ARID1B: variants seen among roughly 807,000 people sequenced by gnomAD.
The protein encoded by ARID1B is AT-rich interaction domain 1B, also known as AT-rich interactive domain-containing protein 1B.
In ARID1B, 30 loss-of-function variants were observed where a neutral mutation model predicts 212.3. The ratio of observed to expected loss-of-function variants is 0.14; its 90% CI spans 0.11 to 0.19. ARID1B has a LOEUF of 0.19. Among genes scored for constraint, ARID1B ranks in the 10% least tolerant of loss-of-function variants. ARID1B has a pLI of 1.00. For missense variants in ARID1B, 2,891 were observed against 3,204.0 expected (o/e 0.90, Z 2.36); for synonymous variants, 1,402 against 1,301.7 (o/e 1.08, Z -1.66).
chr6:157,141,152 G>A (rs1015206454), intron 7 of ARID1B: 1 of 152,792 alleles, frequency 6.5e-6, no homozygotes, highest in Non-Finnish European at 1.5e-5. Flanking sequence ...AGCAGTACCT[G>A]GTATATTATC....
Position 156,778,268 on chromosome 6 carries a change from C to CCAGCAGCAGCAGCAGCAGCAA in ARID1B, c.608_609insACAGCAGCAGCAGCAGCAGCA (p.Gln208_Gln214dup). The CCAGCAGCAGCAGCAGCAGCAA allele has an allele frequency of 2.0e-6, 3 of 1,536,774 alleles. No homozygotes were observed. The highest frequency in any genetic ancestry group is 2.0e-5 in the Admixed American group (1 of 50,758). ...CACTACAGCAGCAGCTAAACCAGTT[C>CCAGCAGCAGCAGCAGCAGCAA]CAGCAGCAGCAGCAGCAGCAGCAAC... On this transcript the variant is annotated inframe_insertion, in exon 1 of 20. Transcript: ENST00000636930.
At chr6:157,175,038 G>T (rs886314766) in intron 11 of ARID1B, 33 bp downstream of exon 11, 6 of 1,339,092 alleles carry the variant, frequency 4.5e-6, no homozygotes, top group African/African-American at 3.0e-5. Flanking sequence ...TGTTTTTTTT[G>T]TTTTTTGTTT....
rs1793942873 is a variant in ARID1B at position 156,955,939 on chromosome 6, TC to T, written c.2247+20365del. Among the ~76,000 whole-genome samples the T allele has an allele frequency of 6.6e-6, 1 of 152,156 alleles. No individual in the cohort carries two copies. Among genetic ancestry groups the T allele is most frequent in the Non-Finnish European group, 1.5e-5 (1 of 68,026 alleles). On this transcript the variant is annotated intron_variant, in intron 4 of 19. Coordinates refer to ENST00000636930, the MANE Select transcript of ARID1B (RefSeq NM_001374828.1). This position sits in a 1 kb window ranked among gnomAD's most constrained non-coding sequence, Gnocchi z 4.2. ...CCGCGCCTGTTCTATTTCCTCACCT[TC>T]CTGTGTTCATCTGTGTATCTGCCAA... is the stretch of plus-strand genomic sequence containing the variant.
In ARID1B at chr6:157,184,214, GC is replaced by G. The variant is rs1413576960; in HGVS notation, c.3715-15del. The G allele has an allele frequency of 6.3e-7, 1 of 1,591,660 alleles. No individual in the cohort carries two copies. The highest frequency in any genetic ancestry group is 8.6e-7 in the Non-Finnish European group (1 of 1,166,032). ...CACTTTGTTGCAAACCAATGATCCT[GC>G]CGTGTTTTTCACTAGGTTAATAAAA... is the stretch of plus-strand genomic sequence containing the variant. On this transcript the variant is annotated splice_polypyrimidine_tract_variant and intron_variant, in intron 12 of 19. Coordinates refer to ENST00000636930, the MANE Select transcript of ARID1B (RefSeq NM_001374828.1).
intron 4 of ARID1B, among the ~76,000 whole-genome samples, chr6:157,030,889 G>GTA (rs1780979056): frequency 6.6e-6 from 1 of 152,168 alleles, no homozygotes; most frequent in Admixed American, 6.5e-5. Flanking sequence ...GACGGCCGCT[G>GTA]TACTCAGCAG....
chr6:156,826,510 G>A (rs1391187174), intron 1 of ARID1B, among the ~76,000 whole-genome samples: 1 of 152,168 alleles, frequency 6.6e-6, no homozygotes, highest in Non-Finnish European at 1.5e-5. Flanking sequence ...TAAATGTGTG[G>A]TGAATGGATT....
chr6:156,776,729 AAG>A (rs1778643412), upstream of ARID1B: 1 of 152,246 alleles, frequency 6.6e-6, no homozygotes, highest in Admixed American at 6.5e-5. Context: ...TGCCTTCAAA[AAG>A]AGTTATGTAA....
chr6:156,829,645 C>A, intron 2 of ARID1B: 2 of 507,276 alleles, frequency 3.9e-6, no homozygotes, highest in South Asian at 2.9e-5. Context: ...AGAAGGGCAG[C>A]AGGACCAGCT....
chr6:156,793,706 G>A (rs79239612), intron 1 of ARID1B, among the ~76,000 whole-genome samples: 10,287 of 152,256 alleles, frequency 0.068, 506 homozygotes, highest in Non-Finnish European at 0.092. Context: ...TCAGCCTGTC[G>A]TTCTAGTCAG....
At chr6:156,809,862 A>G (rs923958309) in intron 1 of ARID1B, among the ~76,000 whole-genome samples, 4 of 152,126 alleles carry the variant, frequency 2.6e-5, no homozygotes, top group East Asian at 1.9e-4. Flanking sequence ...TAGGCTAGGT[A>G]AAGTCAGCTC....
In ARID1B at chr6:156,778,784, C is replaced by A. The variant is rs1175177623; in HGVS notation, c.1104C>A (p.Asn368Lys). Residue 368 changes from asparagine (N) to lysine (K), a missense_variant, in exon 1 of 20, where the codon AAC (asparagine) becomes AAA (lysine). Coordinates refer to ENST00000636930, the MANE Select transcript of ARID1B (RefSeq NM_001374828.1). ...GAPGSMDPLQ[N>K]SHEGYPNSQC... ...CCGGCAGCATGGACCCCCTGCAGAA[C>A]TCCCACGAAGGGTACCCCAACAGCC... 2 of 1,511,204 alleles carry A rather than the reference C, an allele frequency of 1.3e-6. No individual in the cohort carries two copies. The highest frequency in any genetic ancestry group is 1.8e-6 in the Non-Finnish European group (2 of 1,127,548). The allele number at this position is 1,511,204 out of a possible 1,614,324, so 93.6% of individuals were successfully genotyped here.
intron 3 of ARID1B, among the ~76,000 whole-genome samples, chr6:156,904,417 A>G (rs907941970): frequency 6.6e-6 from 1 of 152,188 alleles, no homozygotes; most frequent in African/African-American, 2.4e-5. Context: ...AGTTCTGGTT[A>G]TTTGAATTGA....
chr6:156,824,047 A>G (rs1782574911), intron 1 of ARID1B, among the ~76,000 whole-genome samples: 1 of 152,222 alleles, frequency 6.6e-6, no homozygotes, highest in African/African-American at 2.4e-5. Flanking sequence ...GCTACCCAAT[A>G]TGCTTAGAAG....
At chr6:157,106,031 A>T (rs1786454303) in intron 5 of ARID1B, among the ~76,000 whole-genome samples, 1 of 152,110 alleles carries the variant, frequency 6.6e-6, no homozygotes. Context: ...GAATTGTGTA[A>T]CCTTTAGACC....
chr6:156,889,148 C>G (rs1414956545), intron 2 of ARID1B, among the ~76,000 whole-genome samples: 1 of 152,208 alleles, frequency 6.6e-6, no homozygotes, highest in Non-Finnish European at 1.5e-5. Context: ...TTATTTAACT[C>G]TTAGGCAACC....
chr6:156,999,221 A>G (rs1370789620), intron 4 of ARID1B, among the ~76,000 whole-genome samples: 2 of 152,236 alleles, frequency 1.3e-5, no homozygotes, highest in African/African-American at 2.4e-5. Flanking sequence ...TTAGGATTTC[A>G]TTTAAAACCT....
intron 4 of ARID1B, among the ~76,000 whole-genome samples, chr6:157,044,922 G>A (rs1214948110): frequency 6.6e-6 from 1 of 152,138 alleles, no homozygotes; most frequent in African/African-American, 2.4e-5. Flanking sequence ...GAAAATACAG[G>A]TTCCAAGTAT....
chr6:156,944,545 C>T (rs1348728204), intron 4 of ARID1B, among the ~76,000 whole-genome samples: 1 of 152,154 alleles, frequency 6.6e-6, no homozygotes, highest in African/African-American at 2.4e-5. Flanking sequence ...GAACAACCAA[C>T]CAGCCAACCA....
At chr6:157,146,758 G>C (rs1789757119) in intron 7 of ARID1B, among the ~76,000 whole-genome samples, 1 of 152,188 alleles carries the variant, frequency 6.6e-6, no homozygotes, top group Admixed American at 6.5e-5. Flanking sequence ...AATGTAGTAA[G>C]TGTATAGTTA....
Sources: allele counts gnomAD v4.1 joint callset (sites outside exome capture counted in the v4.1 genomes callset), GRCh38; gene constraint gnomAD v4.1.1; non-coding constraint Gnocchi (gnomAD v3.1); transcripts MANE v1.5; gene names NCBI Gene and HGNC (gene_info 2026-07-23, HGNC 2026-07-21).